MGAT4C: variants seen among roughly 807,000 people sequenced by gnomAD.
The protein encoded by MGAT4C is alpha-1,3-mannosyl-glycoprotein 4-beta-N-acetylglucosaminyltransferase C.
A neutral mutation model predicts 40.1 loss-of-function variants in MGAT4C; 19 were observed. That is an observed-to-expected ratio of 0.47 (90% CI 0.33 to 0.70). MGAT4C has a LOEUF of 0.70. Among genes scored for constraint, MGAT4C ranks in the 30% least tolerant of loss-of-function variants. The pLI is 0.02. For missense variants in MGAT4C, 491 were observed against 563.2 expected, an observed-to-expected ratio of 0.87 and a Z score of 1.30; for synonymous variants, 181 against 187.1, an observed-to-expected ratio of 0.97 and a Z score of 0.27.
chr12:86,329,251 T>C (rs551420964), intron 4 of MGAT4C, among the ~76,000 whole-genome samples: 5 of 150,746 alleles, frequency 3.3e-5, no homozygotes, highest in African/African-American at 9.7e-5. Context: ...ACAAAAATAA[T>C]AGAAAAATTT....
chr12:86,762,304 G>A (rs1374501720), intron 1 of MGAT4C, among the ~76,000 whole-genome samples: 1 of 152,020 alleles, frequency 6.6e-6, no homozygotes, highest in Non-Finnish European at 1.5e-5. Context: ...GCTAGCCTCA[G>A]CCTCCCAAAA....
intron 2 of MGAT4C, among the ~76,000 whole-genome samples, chr12:86,704,612 C>T (rs1950423906): frequency 6.6e-6 from 1 of 152,068 alleles, no homozygotes. Context: ...CTATTATTTA[C>T]ACAGGGCACT....
At chr12:86,056,479 C>T (rs1293297223) in intron 1 of MGAT4C, among the ~76,000 whole-genome samples, 1 of 152,228 alleles carries the variant, frequency 6.6e-6, no homozygotes, top group South Asian at 2.1e-4. Flanking sequence ...TGAGAACATG[C>T]AGTGTTTGGT....
intron 2 of MGAT4C, among the ~76,000 whole-genome samples, chr12:86,453,128 A>G (rs1957455104): frequency 6.6e-6 from 1 of 152,162 alleles, no homozygotes; most frequent in Non-Finnish European, 1.5e-5. Context: ...ATGAGAATGA[A>G]TATGCCACTC....
At chr12:86,692,886 T>C (rs1030935435) in intron 2 of MGAT4C, among the ~76,000 whole-genome samples, 4 of 152,090 alleles carry the variant, frequency 2.6e-5, no homozygotes, top group Non-Finnish European at 5.9e-5. Flanking sequence ...CTTGGGATCA[T>C]GTATGGCATG....
chr12:86,015,015 G>A (rs1888933224), intron 2 of MGAT4C, among the ~76,000 whole-genome samples: 1 of 130,628 alleles, frequency 7.7e-6, no homozygotes, highest in African/African-American at 2.9e-5. Flanking sequence ...GTTTTGCCAT[G>A]TTGTCCAGGC....
chr12:86,239,095 C>G (rs1272677083), intron 1 of MGAT4C, among the ~76,000 whole-genome samples: 1 of 151,830 alleles, frequency 6.6e-6, no homozygotes, highest in Admixed American at 6.6e-5. Flanking sequence ...GTGTTCTTGT[C>G]TTTTACTTTT....
intron 2 of MGAT4C, among the ~76,000 whole-genome samples, chr12:86,617,819 C>A (rs1962502964): frequency 1.3e-5 from 2 of 151,830 alleles, no homozygotes; most frequent in African/African-American, 4.8e-5. Context: ...CAACAAAACC[C>A]CAAATAGACA....
At chr12:86,298,743 T>C (rs1210853365) in intron 4 of MGAT4C, among the ~76,000 whole-genome samples, 2 of 152,166 alleles carry the variant, frequency 1.3e-5, no homozygotes, top group African/African-American at 4.8e-5. Flanking sequence ...ACAGTAATCA[T>C]GGTAATCTAT....
At chr12:86,561,783 CCTGA>C (rs1405160529) in intron 2 of MGAT4C, among the ~76,000 whole-genome samples, 1 of 152,074 alleles carries the variant, frequency 6.6e-6, no homozygotes, top group Non-Finnish European at 1.5e-5. Flanking sequence ...TCTAGAAAAC[CCTGA>C]CTAATACAGA....
chr12:86,562,007 C>T (rs935016587), intron 2 of MGAT4C, among the ~76,000 whole-genome samples: 1 of 152,130 alleles, frequency 6.6e-6, no homozygotes, highest in Admixed American at 6.5e-5. Flanking sequence ...ACTCCTGATT[C>T]ACTGCTCTTG....
rs758071932 is a variant in MGAT4C at position 85,974,526 on chromosome 12, T to C, written c.*4763A>G. On this transcript the variant is annotated 3_prime_UTR_variant, in exon 5 of 5. Transcript: ENST00000611864. ...AAGTATGTATACATATATACACATA[T>C]GTACATACACATATGTATATATACA... is the stretch of plus-strand genomic sequence containing the variant. The C allele has an allele frequency of 2.0e-5, 3 of 150,688 alleles. No individual in the cohort carries two copies. The highest frequency in any genetic ancestry group is 4.5e-5 in the Non-Finnish European group (3 of 67,038). The allele number at this position is 150,688 out of a possible 1,614,324, so 9.3% of individuals were successfully genotyped here.
chr12:86,378,895 CAGA>C (rs1188321086), intron 3 of MGAT4C, among the ~76,000 whole-genome samples: 2 of 152,020 alleles, frequency 1.3e-5, no homozygotes, highest in African/African-American at 2.4e-5. Flanking sequence ...ACAGTGAGGC[CAGA>C]AGGAGTTCTG....
At chr12:86,650,053 T>C (rs955275020) in intron 2 of MGAT4C, among the ~76,000 whole-genome samples, 4 of 151,934 alleles carry the variant, frequency 2.6e-5, no homozygotes, top group African/African-American at 9.7e-5. Flanking sequence ...AATTAAGTCA[T>C]GCTTTTGGAG....
At chr12:86,140,679 T>C (rs1156292908) in intron 1 of MGAT4C, among the ~76,000 whole-genome samples, 1 of 152,086 alleles carries the variant, frequency 6.6e-6, no homozygotes, top group Non-Finnish European at 1.5e-5. Flanking sequence ...TAAAATAATA[T>C]GTGCCCCCTA....
At chr12:85,988,567 T>C (rs1205470482) in intron 3 of MGAT4C, among the ~76,000 whole-genome samples, 1 of 152,042 alleles carries the variant, frequency 6.6e-6, no homozygotes. Context: ...CTGAAATCTA[T>C]AAATATTAAT....
intron 1 of MGAT4C, among the ~76,000 whole-genome samples, chr12:86,179,458 A>C (rs2135860354): frequency 6.6e-6 from 1 of 152,348 alleles, no homozygotes; most frequent in East Asian, 1.9e-4. Flanking sequence ...AGGTTGGAAC[A>C]GTTTGGAGGG....
At chr12:86,590,428 G>A (rs1961281294) in intron 2 of MGAT4C, among the ~76,000 whole-genome samples, 1 of 151,704 alleles carries the variant, frequency 6.6e-6, no homozygotes, top group African/African-American at 2.4e-5. Context: ...ACTACATATG[G>A]CTTCATTTCA....
chr12:86,025,125 G>A (rs938687771), intron 2 of MGAT4C, among the ~76,000 whole-genome samples: 4 of 150,954 alleles, frequency 2.6e-5, no homozygotes, highest in African/African-American at 9.7e-5. Context: ...TTTATTACCA[G>A]GTCCCTAAAT....
Sources: allele counts gnomAD v4.1 joint callset (sites outside exome capture counted in the v4.1 genomes callset), GRCh38; gene constraint gnomAD v4.1.1; transcripts MANE v1.5; gene names NCBI Gene and HGNC (gene_info 2026-07-23, HGNC 2026-07-21).